The following SIMC1 variants were observed in gnomAD, a reference collection of about 807,000 sequenced individuals.
SIMC1 encodes the protein SUMO interacting motifs containing 1.
A neutral mutation model predicts 82.3 loss-of-function variants in SIMC1; 55 were observed. The observed-to-expected ratio is 0.67, with a 90% CI of 0.54 to 0.84. The LOEUF (loss-of-function observed/expected upper bound fraction) is 0.84, where lower values mean the gene tolerates loss of function less well. Among genes scored for constraint, SIMC1 ranks in the 40% least tolerant of loss-of-function variants. The pLI is 0.00. For missense variants in SIMC1, 915 were observed against 1,107.2 expected, an observed-to-expected ratio of 0.83 and a Z score of 2.46; for synonymous variants, 353 against 426.3, an observed-to-expected ratio of 0.83 and a Z score of 2.12.
chr5:176,340,552 G>A (rs1263517470), intron 9 of SIMC1, among the ~76,000 whole-genome samples: 3 of 152,204 alleles, frequency 2.0e-5, no homozygotes, highest in East Asian at 1.9e-4. Flanking sequence ...CCCTGTCCAC[G>A]GACGGGGAAA....
At chr5:176,263,800 T>C (rs570785311) in intron 1 of SIMC1, among the ~76,000 whole-genome samples, 1 of 152,294 alleles carries the variant, frequency 6.6e-6, no homozygotes, top group African/African-American at 2.4e-5. Flanking sequence ...CTTAACTCAT[T>C]CCACTATCAA....
At chr5:176,271,916 G>T (rs1762446246) in intron 1 of SIMC1, among the ~76,000 whole-genome samples, 1 of 39,722 alleles carries the variant, frequency 2.5e-5, no homozygotes, top group African/African-American at 5.7e-5. Context: ...GTATATAATT[G>T]TATATTATAT....
intron 3 of SIMC1, among the ~76,000 whole-genome samples, chr5:176,295,640 C>T (rs1763781655): frequency 6.7e-6 from 1 of 149,524 alleles, no homozygotes; most frequent in South Asian, 2.1e-4. Flanking sequence ...TTTGGGGCCG[C>T]ATGTGGTAGC....
chr5:176,329,456 GA>G (rs1765536852), intron 7 of SIMC1, among the ~76,000 whole-genome samples: 1 of 144,394 alleles, frequency 6.9e-6, no homozygotes, highest in South Asian at 2.2e-4. Flanking sequence ...CAGCCTGGGC[GA>G]AAGAGTCCAG....
intron 9 of SIMC1, among the ~76,000 whole-genome samples, chr5:176,341,225 C>T (rs758157083): frequency 2.0e-5 from 3 of 152,200 alleles, no homozygotes; most frequent in Non-Finnish European, 2.9e-5. Context: ...AGAAAGAAGG[C>T]ACTGAATGTC....
chr5:176,334,978 C>T (rs1037255007), intron 7 of SIMC1, among the ~76,000 whole-genome samples: 26 of 151,194 alleles, frequency 1.7e-4, no homozygotes, highest in Admixed American at 1.3e-4. Context: ...ATAATCCCAG[C>T]GGCTCAGGAG....
At position 176,319,113 on chromosome 5, in the gene SIMC1, G is replaced by C. The variant is rs1047872266; in HGVS notation, c.1890-3160G>C. Among the ~76,000 whole-genome samples the C allele has an allele frequency of 5.9e-5, 9 of 151,514 alleles. No individual in the cohort carries two copies. The South Asian group carries it at 8.3e-4, about 14-fold the overall frequency. On this transcript the variant is annotated intron_variant, in intron 5 of 9. Transcript: ENST00000429602. ...GTCAGAGCAAGACCCTGTCTCAGGG[G>C]GAAAAAAAGAAGTCATAAGCTATTT...
intron 4 of SIMC1, chr5:176,308,321 G>A: frequency 1.4e-6 from 2 of 1,480,286 alleles, no homozygotes; most frequent in Non-Finnish European, 1.9e-6. Context: ...CTGATAAGAG[G>A]AAGGACCAAG....
At chr5:176,263,606 CATTT>C (rs1180498138) in intron 1 of SIMC1, 2 of 1,294,882 alleles carry the variant, frequency 1.5e-6, no homozygotes, top group Non-Finnish European at 2.0e-6. Context: ...GGCACCATGA[CATTT>C]ATGAGGGATC....
chr5:176,306,051 C>G (rs1233795541), intron 4 of SIMC1, among the ~76,000 whole-genome samples: 1 of 78,032 alleles, frequency 1.3e-5, no homozygotes, highest in Non-Finnish European at 2.8e-5. Flanking sequence ...TCAGCCCCCC[C>G]GCCCGGCCAG....
In SIMC1 at chr5:176,337,158, TTG is replaced by T. The variant is rs745594763; in HGVS notation, c.2413+14_2413+15del. 4 of 1,612,008 alleles carry T rather than the reference TTG, an allele frequency of 2.5e-6. No individual in the cohort carries two copies. The South Asian group carries it at 4.4e-5, about 18-fold the overall frequency. ...ACATGTTTTAAGAGGTAAGGAGCAT[TTG>T]TTCACAAGTGGAGTAGTGGAAGGTC... is the stretch of plus-strand genomic sequence containing the variant. On this transcript the variant is annotated intron_variant, in intron 9 of 9. Coordinates refer to ENST00000429602, the MANE Select transcript of SIMC1 (RefSeq NM_001308195.2).
chr5:176,249,859 A>AAT (rs1561670154), intron 1 of SIMC1, among the ~76,000 whole-genome samples: 32 of 151,454 alleles, frequency 2.1e-4, no homozygotes, highest in African/African-American at 7.3e-4. Flanking sequence ...AAAAAAAAAA[A>AAT]AAAAACCAGC....
intron 1 of SIMC1, among the ~76,000 whole-genome samples, chr5:176,259,019 C>A (rs1406445735): frequency 4.6e-5 from 7 of 151,510 alleles, no homozygotes; most frequent in African/African-American, 1.7e-4. Flanking sequence ...CCATAAAATT[C>A]TCTGAGTTGT....
intron 6 of SIMC1, among the ~76,000 whole-genome samples, chr5:176,323,074 T>C (rs1003386158): frequency 6.6e-6 from 1 of 152,246 alleles, no homozygotes; most frequent in African/African-American, 2.4e-5. Context: ...ATTTCAAATG[T>C]AACATTTGTG....
At chr5:176,283,954 T>C (rs1180961607) in intron 1 of SIMC1, among the ~76,000 whole-genome samples, 1 of 152,094 alleles carries the variant, frequency 6.6e-6, no homozygotes, top group Non-Finnish European at 1.5e-5. Flanking sequence ...GTAAAGGGAT[T>C]AATTCAACAA....
chr5:176,277,990 T>G, intron 1 of SIMC1, among the ~76,000 whole-genome samples: 1 of 141,410 alleles, frequency 7.1e-6, no homozygotes, highest in African/African-American at 2.7e-5. Flanking sequence ...GTGAAGAAAG[T>G]CATTGGTAGC....
intron 4 of SIMC1, among the ~76,000 whole-genome samples, chr5:176,301,033 A>G (rs1055419793): frequency 1.3e-5 from 2 of 152,154 alleles, no homozygotes; most frequent in African/African-American, 2.4e-5. Flanking sequence ...ATTAACACCA[A>G]TCCTCCTCAG....
At chr5:176,309,649 A>G (rs986688120) in intron 4 of SIMC1, among the ~76,000 whole-genome samples, 2 of 152,232 alleles carry the variant, frequency 1.3e-5, no homozygotes, top group African/African-American at 2.4e-5. Flanking sequence ...TAAAAACTCA[A>G]CTGAAGTCAG....
rs1554103928 is a variant in SIMC1, at chr5:176,238,432, G to GCTGCCGCCGCCCCCGTCGCCGCCGCCA, written c.-76_-75insTGCCGCCGCCCCCGTCGCCGCCGCCAC. The GCTGCCGCCGCCCCCGTCGCCGCCGCCA allele has an allele frequency of 5.0e-6, 1 of 201,176 alleles. No individual in the cohort carries two copies. Among genetic ancestry groups the GCTGCCGCCGCCCCCGTCGCCGCCGCCA allele is most frequent in the African/African-American group, 2.6e-5 (1 of 38,470 alleles). 12.5% of individuals were successfully genotyped at this position (201,176 alleles called of 1,614,324 possible). On this transcript the variant is annotated 5_prime_UTR_variant, in exon 1 of 10. Coordinates refer to ENST00000429602, the MANE Select transcript of SIMC1 (RefSeq NM_001308195.2). ...CCGCCGCCGCTGCCGCCGCCCCGCC[G>GCTGCCGCCGCCCCCGTCGCCGCCGCCA]CCGCCACCTCAGAAGCAGGAACCGA...
Sources: allele counts gnomAD v4.1 joint callset (sites outside exome capture counted in the v4.1 genomes callset), GRCh38; gene constraint gnomAD v4.1.1; transcripts MANE v1.5; gene names NCBI Gene and HGNC (gene_info 2026-07-23, HGNC 2026-07-21).